The following UGT1A10 variants were observed in gnomAD, a reference collection of about 807,000 sequenced individuals.
UGT1A10 encodes UDP-glucuronosyltransferase 1A10.
Under a neutral mutation model 45.8 loss-of-function variants are expected in UGT1A10, and 49 were observed. That is an observed-to-expected ratio of 1.07 (90% CI 0.85 to 1.36). UGT1A10 has a LOEUF of 1.36. UGT1A10 is among the 40% of genes most tolerant of loss of function. The pLI is 0.00. For synonymous variants in UGT1A10, 284 were observed against 249.7 expected (o/e 1.14, Z -1.29); for missense variants, 745 against 668.6 (o/e 1.11, Z -1.26).
Position 233,768,558 on chromosome 2 carries a change from T to C in UGT1A10, c.1295+119T>C. On this transcript the variant is annotated intron_variant, in intron 4 of 4. Transcript: ENST00000344644. ...TGTTTCAAATATAAAAACAAATACA[T>C]AAAAATCTGGATTTTTATTTCTTCT... 3.4e-6 allele frequency: 4 copies of C among 1,184,218 alleles called. No individual in the cohort carries two copies. In the South Asian group the frequency reaches 4.4e-5, roughly 13 times the overall value. The allele number at this position is 1,184,218 out of a possible 1,614,324, so 73.4% of individuals were successfully genotyped here.
intron 1 of UGT1A10, among the ~76,000 whole-genome samples, chr2:233,707,386 G>GCT (rs141377295): frequency 0.021 from 3,268 of 152,146 alleles, 114 homozygotes; most frequent in African/African-American, 0.075. Flanking sequence ...GCATCCATGA[G>GCT]CTATTCTTTT....
At position 233,641,600 on chromosome 2, in the gene UGT1A10, G is replaced by A. The variant is rs113641140; in HGVS notation, c.855+4223G>A. 2.7e-3 allele frequency among the ~76,000 whole-genome samples: 412 copies of A among 152,274 alleles called. 2 individuals are homozygous for A. Among genetic ancestry groups the A allele is most frequent in the Non-Finnish European group, 1.1e-3 (77 of 68,004 alleles). ...TTTCTGTGTACTTACTATTACCAGT[G>A]AGTTTTGTACCTTCAGATGATTTCT... On this transcript the variant is annotated intron_variant, in intron 1 of 4. Transcript: ENST00000344644.
intron 1 of UGT1A10, among the ~76,000 whole-genome samples, chr2:233,645,999 A>G (rs2073592628): frequency 6.6e-6 from 1 of 152,216 alleles, no homozygotes; most frequent in South Asian, 2.1e-4. Context: ...TTCTTTCTGG[A>G]CATCCAGGCA....
At chr2:233,694,929 A>T (rs1032290740) in intron 1 of UGT1A10, among the ~76,000 whole-genome samples, 2 of 152,240 alleles carry the variant, frequency 1.3e-5, no homozygotes, top group African/African-American at 4.8e-5. Context: ...CGATGATCAA[A>T]TCAGGGTAAT....
At chr2:233,748,842 G>A (rs562838283) in intron 1 of UGT1A10, among the ~76,000 whole-genome samples, 4 of 151,506 alleles carry the variant, frequency 2.6e-5, no homozygotes, top group South Asian at 2.1e-4. Context: ...ATAAAACTGT[G>A]AGCGTATAAG....
chr2:233,684,163 C>G (rs1051297067), intron 1 of UGT1A10, among the ~76,000 whole-genome samples: 2 of 152,156 alleles, frequency 1.3e-5, no homozygotes, highest in South Asian at 4.1e-4. Context: ...CATTCTCTCT[C>G]ATATTGGCAG....
intron 1 of UGT1A10, among the ~76,000 whole-genome samples, chr2:233,766,279 G>A (rs886209261): frequency 2.6e-5 from 4 of 151,814 alleles, no homozygotes; most frequent in Non-Finnish European, 4.4e-5. Context: ...TCGGTGGCCC[G>A]GGCTCGGTGG....
At chr2:233,638,600 G>A (rs957826745) in intron 1 of UGT1A10, among the ~76,000 whole-genome samples, 2 of 152,252 alleles carry the variant, frequency 1.3e-5, no homozygotes. Flanking sequence ...ACCAGAATAA[G>A]ATTCTTGGCA....
chr2:233,679,022 C>T (rs2074435646), intron 1 of UGT1A10, among the ~76,000 whole-genome samples: 1 of 152,136 alleles, frequency 6.6e-6, no homozygotes, highest in Non-Finnish European at 1.5e-5. Flanking sequence ...TGGTGTAATC[C>T]TTCTGGACTT....
At chr2:233,724,699 C>T (rs138869941) in intron 1 of UGT1A10, among the ~76,000 whole-genome samples, 60,257 of 142,328 alleles carry the variant, frequency 0.42, 15,342 homozygotes, top group African/African-American at 0.58. Context: ...GGTGAAGACG[C>T]TCCTCGCTTT....
chr2:233,764,801 C>T (rs1177973907), intron 1 of UGT1A10, among the ~76,000 whole-genome samples: 8 of 152,184 alleles, frequency 5.3e-5, no homozygotes, highest in African/African-American at 1.9e-4. Context: ...GGTGTTCTTG[C>T]TACAAACCAA....
In UGT1A10 at chr2:233,772,556, T is replaced by C; in HGVS notation, c.1590T>C (p.His530=). ...AGAAAGCCCACAAATCCAAGACCCA[T>C]TGAGAAGTGGGTGGGAAATAAGGTA... is the stretch of plus-strand genomic sequence containing the variant. ...RVKKAHKSKT[H] The change falls in exon 5 of 5, where the codon CAT becomes CAC. Residue 530 remains histidine, a synonymous_variant. Transcript: ENST00000344644. 2.5e-6 allele frequency: 4 copies of C among 1,613,872 alleles called. No homozygotes were observed. The highest frequency in any genetic ancestry group is 2.7e-5 in the African/African-American group (2 of 75,014).
Position 233,744,055 on chromosome 2 carries a change from C to A in UGT1A10, c.856-22979C>A, listed in dbSNP as rs115067532. 2,270 of 645,232 alleles carry A rather than the reference C, an allele frequency of 3.5e-3. 102 individuals carry two copies. The African/African-American group carries it at 0.042, about 12-fold the overall frequency. 40.0% of individuals were successfully genotyped at this position (645,232 alleles called of 1,614,324 possible). A position where few individuals can be genotyped will look rare whatever the true frequency, so the allele number is the denominator to read the frequency against. ...TATGACGCAGCCACATCTCATTGGT[C>A]GAGGCCTATGAGCGCCTCGCATCCC... is the stretch of plus-strand genomic sequence containing the variant. On this transcript the variant is annotated intron_variant, in intron 1 of 4. Coordinates refer to ENST00000344644, the MANE Select transcript of UGT1A10 (RefSeq NM_019075.4).
intron 1 of UGT1A10, among the ~76,000 whole-genome samples, chr2:233,689,515 G>A (rs1197938802): frequency 6.6e-6 from 1 of 152,250 alleles, no homozygotes; most frequent in East Asian, 1.9e-4. Flanking sequence ...TTACACATTG[G>A]TTTGGTCATG....
intron 1 of UGT1A10, among the ~76,000 whole-genome samples, chr2:233,764,866 A>AAAAGGGAGG (rs45477695): frequency 0.13 from 19,804 of 152,100 alleles, 1,413 homozygotes; most frequent in East Asian, 0.2. Context: ...CTTTTAGATG[A>AAAAGGGAGG]GCCCAAGGGA....
chr2:233,692,840 A>C, intron 1 of UGT1A10: 1 of 1,451,404 alleles, frequency 6.9e-7, no homozygotes, highest in Non-Finnish European at 9.0e-7. Context: ...AAAATGGTTA[A>C]ATATTAATTT....
At chr2:233,646,891 T>G (rs903034595) in intron 1 of UGT1A10, among the ~76,000 whole-genome samples, 3 of 152,218 alleles carry the variant, frequency 2.0e-5, no homozygotes, top group African/African-American at 7.2e-5. Context: ...TCCACTCTAC[T>G]GGTACCAATT....
At chr2:233,661,445 C>A (rs142398466) in intron 1 of UGT1A10, among the ~76,000 whole-genome samples, 53 of 152,238 alleles carry the variant, frequency 3.5e-4, no homozygotes, top group Admixed American at 2.0e-3. Context: ...ATCTTTAACC[C>A]ACAGATGGAA....
At position 233,769,409 on chromosome 2, in the gene UGT1A10, G is replaced by T; in HGVS notation, c.1295+970G>T. The T allele has an allele frequency of 7.6e-7, 1 of 1,316,726 alleles. No individual in the cohort carries two copies. Among genetic ancestry groups the T allele is most frequent in the South Asian group, 1.3e-5 (1 of 78,812 alleles). 81.6% of individuals were successfully genotyped at this position (1,316,726 alleles called of 1,614,324 possible). A position where few individuals can be genotyped will look rare whatever the true frequency, so the allele number is the denominator to read the frequency against. On this transcript the variant is annotated intron_variant, in intron 4 of 4. Transcript: ENST00000344644. The surrounding 1 kb of genome is among the most constrained non-coding windows in gnomAD (Gnocchi z 4.4). The stretch of plus-strand genomic sequence containing the variant: ...AGATACTGTGTGCATATGTGCGTGT[G>T]CGTTTGTGCATGTGGCTGTGCTCAT...
Sources: allele counts gnomAD v4.1 joint callset (sites outside exome capture counted in the v4.1 genomes callset), GRCh38; gene constraint gnomAD v4.1.1; non-coding constraint Gnocchi (gnomAD v3.1); transcripts MANE v1.5; gene names NCBI Gene and HGNC (gene_info 2026-07-23, HGNC 2026-07-21).